DNAH11: variants seen among roughly 807,000 people sequenced by gnomAD.
DNAH11 encodes the protein dynein axonemal heavy chain 11.
A neutral mutation model predicts 526.0 loss-of-function variants in DNAH11; 442 were observed. The observed-to-expected ratio is 0.84, with a 90% CI of 0.78 to 0.91. The LOEUF (loss-of-function observed/expected upper bound fraction) is 0.91. Among genes scored for constraint, DNAH11 ranks in the 40% least tolerant of loss-of-function variants. DNAH11 has a pLI of 0.00. For missense variants in DNAH11, 6,989 were observed against 5,448.7 expected (o/e 1.28, Z -8.90); for synonymous variants, 2,461 against 1,935.9 (o/e 1.27, Z -7.12).
intron 37 of DNAH11, 100 bp downstream of exon 37, chr7:21,702,902 T>C (rs916432210): frequency 2.9e-6 from 3 of 1,021,394 alleles, no homozygotes; most frequent in Admixed American, 2.7e-5. Flanking sequence ...AGCACAACTT[T>C]TAAAAAGCAT....
intron 45 of DNAH11, among the ~76,000 whole-genome samples, chr7:21,733,085 A>C (rs1785449225): frequency 6.6e-6 from 1 of 152,208 alleles, no homozygotes; most frequent in African/African-American, 2.4e-5. Context: ...GGGCTCTCCC[A>C]GCAAAGAAGA....
intron 56 of DNAH11, among the ~76,000 whole-genome samples, chr7:21,775,175 T>C (rs1193820945): frequency 6.6e-6 from 1 of 152,152 alleles, no homozygotes; most frequent in Non-Finnish European, 1.5e-5. Flanking sequence ...TCTGTACTAA[T>C]AGTGAGTAGA....
Position 21,681,672 on chromosome 7 carries a change from C to A in DNAH11, c.5455C>A (p.Gln1819Lys). 2 of 1,613,852 alleles carry A rather than the reference C, an allele frequency of 1.2e-6. No homozygotes were observed. The highest frequency in any genetic ancestry group is 1.7e-6 in the Non-Finnish European group (2 of 1,179,800). Residue 1819 changes from glutamine to lysine, a missense_variant, in exon 31 of 82, where the codon CAG (glutamine) becomes AAG (lysine). Transcript: ENST00000409508. ...ARDVVAKLIS[Q>K]KVVSPQAFTW... is the part of the protein sequence containing the mutation. ...AGACGTGGTGGCAAAACTTATTTCT[C>A]AGAAGGCAAGTTGTTTGTAGAAATT...
At chr7:21,611,379 G>A (rs962245687) in intron 20 of DNAH11, among the ~76,000 whole-genome samples, 6 of 152,154 alleles carry the variant, frequency 3.9e-5, no homozygotes, top group Non-Finnish European at 8.8e-5. Context: ...GAGCCACACT[G>A]CTGGCATCCG....
At chr7:21,691,107 G>A (rs1304268945) in intron 35 of DNAH11, among the ~76,000 whole-genome samples, 2 of 150,946 alleles carry the variant, frequency 1.3e-5, no homozygotes, top group African/African-American at 4.9e-5. Flanking sequence ...TGGTATATTT[G>A]CATATTTACT....
chr7:21,646,896 C>T (rs534380326), intron 28 of DNAH11, among the ~76,000 whole-genome samples: 1 of 152,098 alleles, frequency 6.6e-6, no homozygotes, highest in African/African-American at 2.4e-5. Flanking sequence ...CATTTTTAAG[C>T]AGCGTAAAGT....
At chr7:21,601,682 T>G in intron 18 of DNAH11, 64 bp downstream of exon 18, 1 of 1,219,434 alleles carries the variant, frequency 8.2e-7, no homozygotes, top group Non-Finnish European at 1.1e-6. Context: ...TTAAAGTACT[T>G]TACATGTACT....
rs141080025 is a variant in DNAH11, at chr7:21,614,744, T to G, written c.3853-370T>G. Among the ~76,000 whole-genome samples the G allele has an allele frequency of 5.7e-3, 874 of 152,328 alleles. 5 individuals are homozygous for G. Among genetic ancestry groups the G allele is most frequent in the African/African-American group, 0.02 (833 of 41,572 alleles). On this transcript the variant is annotated intron_variant, in intron 20 of 81. Transcript: ENST00000409508. The stretch of plus-strand genomic sequence containing the variant: ...ATAAACTAAGTCATTACTTAAAATA[T>G]AATTCATTCTTACATGGAAGTTTCT...
chr7:21,796,169 G>A (rs558376245), intron 61 of DNAH11, among the ~76,000 whole-genome samples: 1 of 152,320 alleles, frequency 6.6e-6, no homozygotes, highest in African/African-American at 2.4e-5. Context: ...GCCAAAAAGA[G>A]TCCCTGACAG....
intron 63 of DNAH11, among the ~76,000 whole-genome samples, chr7:21,808,927 A>T (rs532732942): frequency 4.6e-5 from 7 of 152,184 alleles, no homozygotes; most frequent in Non-Finnish European, 1.0e-4. Flanking sequence ...ATCATATGGT[A>T]GTTATTTATT....
At chr7:21,833,009 C>A (rs1216575535) in intron 65 of DNAH11, among the ~76,000 whole-genome samples, 1 of 152,202 alleles carries the variant, frequency 6.6e-6, no homozygotes, top group Non-Finnish European at 1.5e-5. Flanking sequence ...CACATAAACA[C>A]AAACACATAC....
chr7:21,585,039 G>T (rs1459266903), intron 9 of DNAH11, among the ~76,000 whole-genome samples: 3 of 151,928 alleles, frequency 2.0e-5, no homozygotes, highest in Non-Finnish European at 4.4e-5. Context: ...TATGAATTCT[G>T]TTATAGTACC....
chr7:21,684,643 C>A (rs1358478414), intron 32 of DNAH11, among the ~76,000 whole-genome samples: 1 of 152,112 alleles, frequency 6.6e-6, no homozygotes, highest in African/African-American at 2.4e-5. Context: ...AGAGCAAGGA[C>A]AAAGTTTCCA....
chr7:21,583,499 A>G (rs1784383647), intron 9 of DNAH11, among the ~76,000 whole-genome samples: 3 of 152,216 alleles, frequency 2.0e-5, no homozygotes, highest in Admixed American at 1.3e-4. Context: ...ATCCCAGGCA[A>G]TACCATTCAG....
chr7:21,717,840 T>C lies in DNAH11; in HGVS notation c.7049T>C (p.Phe2350Ser), dbSNP rs1784723165. ...GAAAAGGCCAATTTGACTATTCTTT[T>C]TGATAAATATGTCCCTGCATGCTTG... ...QSEKANLTIL[F>S]DKYVPACLDK... The change falls in exon 43 of 82, where the codon TTT becomes TCT. Residue 2350 changes from phenylalanine to serine, a missense_variant. Coordinates refer to ENST00000409508, the MANE Select transcript of DNAH11 (RefSeq NM_001277115.2). 1 of 1,613,854 alleles carries C rather than the reference T, an allele frequency of 6.2e-7. No homozygotes were observed. Among genetic ancestry groups the C allele is most frequent in the Non-Finnish European group, 8.5e-7 (1 of 1,179,824 alleles).
chr7:21,874,456 C>G (rs747506872), intron 74 of DNAH11, among the ~76,000 whole-genome samples: 2 of 152,040 alleles, frequency 1.3e-5, no homozygotes, highest in African/African-American at 2.4e-5. Flanking sequence ...CTGCCTCAGC[C>G]TCCCAGGTAG....
intron 1 of DNAH11, 112 bp downstream of exon 1, chr7:21,543,708 A>G: frequency 1.6e-6 from 2 of 1,258,354 alleles, no homozygotes; most frequent in Non-Finnish European, 2.2e-6. Flanking sequence ...CACTTTAACA[A>G]ACTTGGCTTG....
chr7:21,776,990 A>G (rs1159079382), intron 56 of DNAH11, among the ~76,000 whole-genome samples: 1 of 151,544 alleles, frequency 6.6e-6, no homozygotes, highest in Admixed American at 6.6e-5. Flanking sequence ...TATCACATGT[A>G]GGTCTGGGTA....
At chr7:21,616,675 G>T (rs1026463618) in intron 22 of DNAH11, among the ~76,000 whole-genome samples, 1 of 152,090 alleles carries the variant, frequency 6.6e-6, no homozygotes, top group African/African-American at 2.4e-5. Context: ...GGAATTTGGG[G>T]CAACTAATAG....
Sources: gnomAD v4.1 joint callset for allele counts (sites outside exome capture counted in the v4.1 genomes callset) on GRCh38, gnomAD v4.1.1 for gene constraint, MANE v1.5 for transcripts, NCBI Gene and HGNC (gene_info 2026-07-23, HGNC 2026-07-21) for gene names.